The following RAI14 variants were observed in gnomAD, a reference collection of about 807,000 sequenced individuals.
RAI14 encodes the protein ankycorbin.
In RAI14, 45 loss-of-function variants were observed where a neutral mutation model predicts 115.4. The observed-to-expected ratio is 0.39, with a 90% CI of 0.31 to 0.50. RAI14 has a LOEUF of 0.50. Ranked by LOEUF, RAI14 falls within the 20% of genes least tolerant of loss-of-function variation. The probability of loss-of-function intolerance (pLI) is 0.85; values close to 1 mark genes in which losing one functional copy is unlikely to be tolerated. For missense variants in RAI14, 939 were observed against 1,131.2 expected (o/e 0.83, Z 2.44); for synonymous variants, 371 against 415.4 (o/e 0.89, Z 1.30).
intron 2 of RAI14, among the ~76,000 whole-genome samples, chr5:34,693,015 T>C (rs1010410541): frequency 1.3e-5 from 2 of 152,144 alleles, no homozygotes; most frequent in African/African-American, 4.8e-5. Flanking sequence ...CTTGCCCCGA[T>C]CTCTGCTTTC....
intron 14 of RAI14, among the ~76,000 whole-genome samples, chr5:34,822,250 G>GTATGTGTATATATATATATA (rs1554012471): frequency 6.7e-5 from 9 of 134,732 alleles, no homozygotes; most frequent in African/African-American, 2.5e-4. Context: ...ATGTGTGTAT[G>GTATGTGTATATATATATATA]TATATATATA....
At chr5:34,717,645 CA>C (rs1742158499) in intron 2 of RAI14, among the ~76,000 whole-genome samples, 1 of 152,150 alleles carries the variant, frequency 6.6e-6, no homozygotes, top group South Asian at 2.1e-4. Context: ...CTGAAGAAGA[CA>C]GATGTGGGAA....
chr5:34,719,478 A>G (rs1250902716), intron 2 of RAI14, among the ~76,000 whole-genome samples: 2 of 152,190 alleles, frequency 1.3e-5, no homozygotes, highest in Admixed American at 1.3e-4. Context: ...TCTGGAGAGT[A>G]TATGGGAACA....
rs1179106232 is a variant in RAI14 at position 34,791,038 on chromosome 5, G to A, written c.168-4901G>A. Among the ~76,000 whole-genome samples the A allele has an allele frequency of 6.6e-6, 1 of 152,174 alleles. No homozygotes were observed. Among genetic ancestry groups the A allele is most frequent in the East Asian group, 1.9e-4 (1 of 5,188 alleles). On this transcript the variant is annotated intron_variant, in intron 3 of 17. Transcript: ENST00000265109. This position sits in a 1 kb window ranked among gnomAD's most constrained non-coding sequence, Gnocchi z 5.4. ...AGGGTTCAGGAGCTGATACATTTTT[G>A]TATTTTCTGAGAGTCTTAATTACAT...
At chr5:34,663,809 C>T (rs73763427) in intron 1 of RAI14, among the ~76,000 whole-genome samples, 3,139 of 152,272 alleles carry the variant, frequency 0.021, 109 homozygotes, top group African/African-American at 0.07. Context: ...AGTGCGAAGT[C>T]GAAGTTCAGA....
Position 34,738,241 on chromosome 5 carries a change from C to T in RAI14, c.37-19227C>T, listed in dbSNP as rs184899340. Among the ~76,000 whole-genome samples, 30 of 152,122 alleles carry T rather than the reference C, an allele frequency of 2.0e-4. No individual in the cohort carries two copies. In the East Asian group the frequency reaches 5.4e-3, roughly 27 times the overall value. ...GAGTTTGAGACCAGCCTGGGCAACA[C>T]GGTGAGATCCCATCTCTAAAATTTA... is the stretch of plus-strand genomic sequence containing the variant. On this transcript the variant is annotated intron_variant, in intron 2 of 17. Coordinates refer to ENST00000265109, the MANE Select transcript of RAI14 (RefSeq NM_015577.3).
At chr5:34,822,368 T>C (rs1176760955) in intron 14 of RAI14, among the ~76,000 whole-genome samples, 1 of 150,488 alleles carries the variant, frequency 6.6e-6, no homozygotes, top group Non-Finnish European at 1.5e-5. Flanking sequence ...GAAATAGCTG[T>C]ACTATATATC....
intron 1 of RAI14, among the ~76,000 whole-genome samples, chr5:34,675,473 C>A (rs1176991010): frequency 6.6e-6 from 1 of 152,152 alleles, no homozygotes. Context: ...AGAATCCTGG[C>A]CAGGCGTGGT....
intron 3 of RAI14, among the ~76,000 whole-genome samples, chr5:34,789,700 ACT>A (rs1752704666): frequency 6.6e-6 from 1 of 151,560 alleles, no homozygotes; most frequent in Non-Finnish European, 1.5e-5. Context: ...CATGTCACAG[ACT>A]CTGTGCCATG....
chr5:34,782,274 G>C (rs13165695), intron 3 of RAI14, among the ~76,000 whole-genome samples: 38,523 of 152,052 alleles, frequency 0.25, 5,642 homozygotes, highest in Non-Finnish European at 0.31. Context: ...TGTCCCCCTT[G>C]TCTTTTTTTC....
chr5:34,665,033 G>GTGTATA lies in RAI14; in HGVS notation c.-49+8559_-49+8560insGTATAT, dbSNP rs372882692. ...TATATATATATGTGTATATATATAT[G>GTGTATA]TATATATATGTGTATATATATGTGT... On this transcript the variant is annotated intron_variant, in intron 1 of 17. Coordinates refer to ENST00000265109, the MANE Select transcript of RAI14 (RefSeq NM_015577.3). Among the ~76,000 whole-genome samples the GTGTATA allele has an allele frequency of 2.0e-3, 39 of 19,696 alleles. 13 individuals are homozygous for GTGTATA. The highest frequency in any genetic ancestry group is 7.7e-3 in the African/African-American group (39 of 5,090). 12.9% of individuals were successfully genotyped at this position (19,696 alleles called of 152,430 possible). A position where few individuals can be genotyped will look rare whatever the true frequency, so the allele number is the denominator to read the frequency against.
intron 7 of RAI14, 76 bp from the exon 8 acceptor site, chr5:34,810,936 A>C (rs1755509109): frequency 1.9e-6 from 3 of 1,600,048 alleles, no homozygotes; most frequent in Non-Finnish European, 1.7e-6. Flanking sequence ...AAAAATGTGC[A>C]AAAAACAGGG....
rs916328524 is a variant in RAI14, at chr5:34,824,419, T to G, written c.2577T>G (p.Ala859=). 6.2e-7 allele frequency: 1 copy of G among 1,607,338 alleles called. No individual in the cohort carries two copies. Among genetic ancestry groups the G allele is most frequent in the Non-Finnish European group, 8.5e-7 (1 of 1,175,158 alleles). ...AACTTCTGCAAAAATTCCAGCAAGC[T>G]CAGGAAGAACTTGCAGAAATGAAAA... ...VNELLQKFQQ[A]QEELAEMKRY... is the part of the protein sequence containing the mutation. Residue 859 remains alanine, a synonymous_variant, in exon 15 of 18, where the codon GCT becomes GCG. Coordinates refer to ENST00000265109, the MANE Select transcript of RAI14 (RefSeq NM_015577.3).
chr5:34,745,227 G>A (rs1421192774), intron 2 of RAI14, among the ~76,000 whole-genome samples: 2 of 152,148 alleles, frequency 1.3e-5, no homozygotes, highest in African/African-American at 4.8e-5. Context: ...GCACCTGGAA[G>A]GTACTAGCAC....
chr5:34,773,352 A>G (rs1374122974), intron 3 of RAI14, among the ~76,000 whole-genome samples: 1 of 152,222 alleles, frequency 6.6e-6, no homozygotes, highest in Non-Finnish European at 1.5e-5. Context: ...TGGTCTAGGC[A>G]AAGATTTCAT....
At chr5:34,818,708 G>T in intron 12 of RAI14, 89 bp from the exon 13 acceptor site, 1 of 1,087,998 alleles carries the variant, frequency 9.2e-7, no homozygotes, top group East Asian at 2.4e-5. Context: ...GATCTGCTCT[G>T]CGTAAGCTCA....
At position 34,823,981 on chromosome 5, in the gene RAI14, G is replaced by T; in HGVS notation, c.2139G>T (p.Leu713Phe). 6.2e-7 allele frequency: 1 copy of T among 1,613,964 alleles called. No individual in the cohort carries two copies. Among genetic ancestry groups the T allele is most frequent in the South Asian group, 1.1e-5 (1 of 90,984 alleles). The change falls in exon 15 of 18, where the codon TTG (leucine) becomes TTT (phenylalanine). Residue 713 changes from leucine to phenylalanine, a missense_variant. Transcript: ENST00000265109. The surrounding 1 kb of genome is among the most constrained non-coding windows in gnomAD (Gnocchi z 4.5). ...KSQYSKVLNE[L>F]TQLKQLVDAQ... ...AGTATTCAAAAGTGTTGAATGAGTT[G>T]ACCCAGCTCAAACAACTGGTGGATG...
intron 1 of RAI14, 178 bp downstream of exon 1, chr5:34,656,653 T>G (rs1016554021): frequency 2.6e-5 from 4 of 152,408 alleles, no homozygotes; most frequent in Non-Finnish European, 5.9e-5. Flanking sequence ...GGCAGCCCAC[T>G]GTCTGCGGAG....
chr5:34,696,803 T>C (rs927449088), intron 2 of RAI14, among the ~76,000 whole-genome samples: 1 of 152,240 alleles, frequency 6.6e-6, no homozygotes, highest in African/African-American at 2.4e-5. Flanking sequence ...AGCATGCTGC[T>C]GTAGGTGAAG....
Sources: allele counts gnomAD v4.1 joint callset (sites outside exome capture counted in the v4.1 genomes callset), GRCh38; gene constraint gnomAD v4.1.1; non-coding constraint Gnocchi (gnomAD v3.1); transcripts MANE v1.5; gene names NCBI Gene and HGNC (gene_info 2026-07-23, HGNC 2026-07-21).